CCDC14: variants seen among roughly 807,000 people sequenced by gnomAD.
CCDC14 encodes coiled-coil domain-containing protein 14.
A neutral mutation model predicts 81.4 loss-of-function variants in CCDC14; 71 were observed. The ratio of observed to expected loss-of-function variants is 0.87; its 90% CI spans 0.72 to 1.06. The LOEUF (loss-of-function observed/expected upper bound fraction) is 1.06, where lower values mean the gene tolerates loss of function less well. Among genes scored for constraint, CCDC14 ranks in the 50% least tolerant of loss-of-function variants. CCDC14 has a pLI of 0.00. For synonymous variants in CCDC14, 332 were observed against 364.8 expected (o/e 0.91, Z 1.03); for missense variants, 1,046 against 1,047.3 (o/e 1.00, Z 0.02).
chr3:123,890,253 A>T, the CCDC14 span, among the ~76,000 whole-genome samples: 27 of 152,266 alleles, frequency 1.8e-4, no homozygotes, highest in Non-Finnish European at 2.5e-4. Context: ...ACAGAGCCAA[A>T]CCATATTATT....
chr3:123,951,719 G>A (rs1033833077), intron 5 of CCDC14, among the ~76,000 whole-genome samples: 21 of 152,162 alleles, frequency 1.4e-4, no homozygotes, highest in African/African-American at 4.1e-4. Flanking sequence ...TTCTTTTCAA[G>A]GCGTGGTTTT....
chr3:123,890,234 G>A, the CCDC14 span, among the ~76,000 whole-genome samples: 1 of 152,104 alleles, frequency 6.6e-6, no homozygotes, highest in Non-Finnish European at 1.5e-5. Context: ...ATGAGATTTG[G>A]GTGGGGACAC....
intron 9 of CCDC14, among the ~76,000 whole-genome samples, chr3:123,940,047 A>G (rs945626270): frequency 6.6e-6 from 1 of 151,680 alleles, no homozygotes; most frequent in Non-Finnish European, 1.5e-5. Flanking sequence ...AAAAATAAAA[A>G]TTTTTTAAAG....
At chr3:123,934,959 A>G (rs897208459) in intron 9 of CCDC14, among the ~76,000 whole-genome samples, 2 of 152,218 alleles carry the variant, frequency 1.3e-5, no homozygotes, top group Non-Finnish European at 2.9e-5. Flanking sequence ...TCCAGCAAGC[A>G]TCAAGGAAAA....
At chr3:123,924,952 T>TATAC (rs2035274431) in intron 12 of CCDC14, among the ~76,000 whole-genome samples, 1 of 130,930 alleles carries the variant, frequency 7.6e-6, no homozygotes, top group South Asian at 2.4e-4. Flanking sequence ...TGTATACATA[T>TATAC]ATACACACAC....
rs533907025 is a variant in CCDC14 at position 123,935,159 on chromosome 3, G to T, written c.1344-1404C>A. ...GCAGTTCACCTAAGAAATAGAAATG[G>T]CCTATAAGCATATGATAAAAATGCT... On this transcript the variant is annotated intron_variant, in intron 9 of 12. Coordinates refer to ENST00000409697, the MANE Select transcript of CCDC14 (RefSeq NM_001366335.1). Among the ~76,000 whole-genome samples the T allele has an allele frequency of 5.3e-4, 81 of 152,158 alleles. 1 individual carries two copies. The highest frequency in any genetic ancestry group is 7.4e-5 in the Non-Finnish European group (5 of 67,984).
chr3:123,907,722 A>T lies in CCDC14; in HGVS notation c.668-10109T>A, dbSNP rs185000401. ...CTCATCAATAAAAAAAATATAATAA[A>T]AAAAAAAACCCTTTTCACCTCTGGG... On this transcript the variant is annotated intron_variant, in intron 5 of 5. Coordinates refer to the CCDC14 transcript ENST00000479903. 3.8e-3 allele frequency among the ~76,000 whole-genome samples: 583 copies of T among 151,872 alleles called. 14 individuals are homozygous for T. The highest frequency in any genetic ancestry group is 8.5e-4 in the Non-Finnish European group (58 of 67,982).
At position 123,897,528 on chromosome 3, in the gene CCDC14, C is replaced by G. The variant is rs1416325231; in HGVS notation, c.754G>C (p.Ala252Pro). The G allele has an allele frequency of 3.6e-6, 3 of 832,650 alleles. No homozygotes were observed. The South Asian group carries it at 5.3e-5, about 15-fold the overall frequency. The allele number at this position is 832,650 out of a possible 1,614,324, so 51.6% of individuals were successfully genotyped here. ...TCTCCCACCTCTTCCTTGTTCAGAG[C>G]AGTTCTGCTTTTCCGTAGTTCATGT... Residue 252 changes from alanine (A) to proline (P), a missense_variant, in exon 6 of 6, where the codon GCT becomes CCT. Physicochemically the swap from Ala to Pro is conservative, Grantham distance 27. Transcript: ENST00000479903.
At position 123,914,789 on chromosome 3, in the gene CCDC14, A is replaced by T; in HGVS notation, c.2708T>A (p.Leu903Gln). 4 of 1,530,774 alleles carry T rather than the reference A, an allele frequency of 2.6e-6. No homozygotes were observed. Among genetic ancestry groups the T allele is most frequent in the Non-Finnish European group, 3.5e-6 (4 of 1,137,874 alleles). The allele number at this position is 1,530,774 out of a possible 1,614,324, so 94.8% of individuals were successfully genotyped here. A position where few individuals can be genotyped will look rare whatever the true frequency, so the allele number is the denominator to read the frequency against. ...AGTTTTCTTCTGAATTCATTTCTCCAGAAGACCAGTCCTTAAAGACTTCTG... is the reference window on the plus strand; with the variant it reads ...AGTTTTCTTCTGAATTCATTTCTCCTGAAGACCAGTCCTTAAAGACTTCTG... ...RLQKSLRTGLLEK is the reference protein window; with the variant it reads ...RLQKSLRTGLQEK The change falls in exon 13 of 13, where the codon CTG (leucine) becomes CAG (glutamine). Residue 903 changes from leucine (L) to glutamine (Q), a missense_variant. Physicochemically the swap from Leu to Gln is moderately radical, Grantham distance 113 (BLOSUM62 -2). Transcript: ENST00000409697.
chr3:123,888,783 C>T, the CCDC14 span, among the ~76,000 whole-genome samples: 2 of 152,068 alleles, frequency 1.3e-5, no homozygotes, highest in African/African-American at 4.8e-5. Context: ...GGGGGAAATC[C>T]ACCCCCATGA....
rs1358444644 is a variant in CCDC14 at position 123,915,710 on chromosome 3, T to G, written c.1787A>C (p.Gln596Pro). The G allele has an allele frequency of 1.2e-6, 2 of 1,602,462 alleles. No individual in the cohort carries two copies. The highest frequency in any genetic ancestry group is 1.7e-5 in the Admixed American group (1 of 57,774). ...TRLRELTRTL[Q>P]TSMAKLLSDL... ...GGAGAGAAGCTTTGCCATGCTAGTCTGTAAAGTTCTGTTAAGAAGAATCCA... is the reference window on the plus strand; with the variant it reads ...GGAGAGAAGCTTTGCCATGCTAGTCGGTAAAGTTCTGTTAAGAAGAATCCA... Residue 596 changes from glutamine (Q) to proline (P), a missense_variant, in exon 13 of 13, where the codon CAG becomes CCG. Physicochemically the swap from Gln to Pro is moderately conservative, Grantham distance 76. Transcript: ENST00000409697.
intron 5 of CCDC14, 107 bp from the exon 6 acceptor site, chr3:123,949,239 T>C (rs2036865174): frequency 1.5e-6 from 1 of 651,414 alleles, no homozygotes; most frequent in Non-Finnish European, 2.7e-6. Context: ...ATCCATCACA[T>C]ACTTCATAGA....
chr3:123,939,339 T>C (rs1223848295), intron 9 of CCDC14, among the ~76,000 whole-genome samples: 1 of 151,908 alleles, frequency 6.6e-6, no homozygotes, highest in Non-Finnish European at 1.5e-5. Context: ...AATTAACTTT[T>C]TTCATCCTTA....
At chr3:123,926,963 G>A (rs1315004636) in intron 12 of CCDC14, among the ~76,000 whole-genome samples, 3 of 151,722 alleles carry the variant, frequency 2.0e-5, no homozygotes, top group African/African-American at 7.3e-5. Context: ...AACGTCCAAA[G>A]TAAAATTAAA....
In CCDC14 at chr3:123,903,297, A is replaced by AACACACACAC. The variant is rs57466490; in HGVS notation, c.668-5694_668-5685dup. Among the ~76,000 whole-genome samples, 522 of 144,282 alleles carry AACACACACAC rather than the reference A, an allele frequency of 3.6e-3. 5 individuals are homozygous for AACACACACAC. The highest frequency in any genetic ancestry group is 0.013 in the African/African-American group (489 of 38,184). The allele number at this position is 144,282 out of a possible 152,430, so 94.7% of individuals were successfully genotyped here. A position where few individuals can be genotyped will look rare whatever the true frequency, so the allele number is the denominator to read the frequency against. On this transcript the variant is annotated intron_variant, in intron 5 of 5. Transcript: ENST00000479903. ...CCATAATAAAAAGTATTATTTTTCAAACACACACACACACACACACACACA... is the reference window on the plus strand; with the variant it reads ...CCATAATAAAAAGTATTATTTTTCAAACACACACACACACACACACACACACACACACACA...
intron 5 of CCDC14, among the ~76,000 whole-genome samples, chr3:123,906,261 C>T (rs1359668837): frequency 1.3e-5 from 2 of 151,954 alleles, no homozygotes; most frequent in Admixed American, 6.5e-5. Flanking sequence ...ACACGGGAGG[C>T]GGAGTTTGCA....
At chr3:123,889,134 G>C in the CCDC14 span, among the ~76,000 whole-genome samples, 1 of 152,314 alleles carries the variant, frequency 6.6e-6, no homozygotes, top group Non-Finnish European at 1.5e-5. Context: ...TTGCAGCCAG[G>C]TGCAGTGGCT....
intron 12 of CCDC14, among the ~76,000 whole-genome samples, chr3:123,922,658 T>C (rs2035121276): frequency 1.3e-5 from 2 of 151,978 alleles, no homozygotes; most frequent in African/African-American, 4.8e-5. Flanking sequence ...ACCTGAATCA[T>C]GAAGGAATAG....
Position 123,913,834 on chromosome 3 carries a change from G to C in CCDC14, c.*945C>G. ...GATAACACAACATTCAGCTTCCTAA[G>C]AGTTAAAACGTGCTGCTTACATGAA... On this transcript the variant is annotated 3_prime_UTR_variant, in exon 13 of 13. Coordinates refer to ENST00000409697, the MANE Select transcript of CCDC14 (RefSeq NM_001366335.1). The C allele has an allele frequency of 1.0e-6, 1 of 985,340 alleles. No homozygotes were observed. Among genetic ancestry groups the C allele is most frequent in the Non-Finnish European group, 1.2e-6 (1 of 829,890 alleles). 61.0% of individuals were successfully genotyped at this position (985,340 alleles called of 1,614,324 possible).
Sources: allele counts gnomAD v4.1 joint callset (sites outside exome capture counted in the v4.1 genomes callset), GRCh38; gene constraint gnomAD v4.1.1; transcripts MANE v1.5; gene names NCBI Gene and HGNC (gene_info 2026-07-23, HGNC 2026-07-21).